MKLN1: variants seen among roughly 807,000 people sequenced by gnomAD.
MKLN1 encodes the protein muskelin 1.
A neutral mutation model predicts 99.0 loss-of-function variants in MKLN1; 18 were observed. The observed-to-expected ratio is 0.18, with a 90% CI of 0.13 to 0.27. The LOEUF (loss-of-function observed/expected upper bound fraction) is 0.27, where lower values mean the gene tolerates loss of function less well. Ranked by LOEUF, MKLN1 falls within the 10% of genes least tolerant of loss-of-function variation. The probability of loss-of-function intolerance (pLI) is 1.00; values close to 1 mark genes in which losing one functional copy is unlikely to be tolerated. For missense variants in MKLN1, 621 were observed against 875.9 expected, an observed-to-expected ratio of 0.71 and a Z score of 3.67; for synonymous variants, 288 against 293.2, an observed-to-expected ratio of 0.98 and a Z score of 0.18.
upstream of MKLN1, among the ~76,000 whole-genome samples, chr7:131,325,731 G>C (rs1798872007): frequency 6.6e-6 from 1 of 151,586 alleles, no homozygotes. Flanking sequence ...AAATTTCCAG[G>C]ACCAAACAGT....
chr7:131,330,649 C>T (rs1223593818), intron 1 of MKLN1, among the ~76,000 whole-genome samples: 1 of 151,998 alleles, frequency 6.6e-6, no homozygotes, highest in African/African-American at 2.4e-5. Context: ...TACAGGAAAT[C>T]AGAACTTTAA....
In MKLN1 at chr7:131,444,802, T is replaced by A. The variant is rs963154699; in HGVS notation, c.1396-972T>A. ...GTAGTAGTAGTAGTAGTAGTAGTAG[T>A]AGTAGTAGTAGTAGTAGTAGAAGTG... On this transcript the variant is annotated intron_variant, in intron 11 of 17. Transcript: ENST00000352689. Among the ~76,000 whole-genome samples, 6 of 147,976 alleles carry A rather than the reference T, an allele frequency of 4.1e-5. No homozygotes were observed. In the Admixed American group the frequency reaches 4.1e-4, roughly 10 times the overall value.
intron 17 of MKLN1, among the ~76,000 whole-genome samples, chr7:131,485,028 C>A (rs1443132290): frequency 1.3e-5 from 2 of 151,862 alleles, no homozygotes; most frequent in African/African-American, 2.4e-5. Flanking sequence ...AACAATGACA[C>A]CCTGGCAATT....
intron 3 of MKLN1, among the ~76,000 whole-genome samples, chr7:131,228,152 C>G (rs1797185496): frequency 6.6e-6 from 1 of 152,212 alleles, no homozygotes; most frequent in Non-Finnish European, 1.5e-5. Flanking sequence ...CAGCCTTAAC[C>G]TCCCAGGCTC....
chr7:131,256,756 A>G (rs1169626159), intron 3 of MKLN1, among the ~76,000 whole-genome samples: 1 of 152,226 alleles, frequency 6.6e-6, no homozygotes, highest in Non-Finnish European at 1.5e-5. Flanking sequence ...CACTGGGTAC[A>G]CATAGACACA....
At chr7:131,124,440 C>G (rs1795422887) in intron 1 of MKLN1, among the ~76,000 whole-genome samples, 1 of 152,212 alleles carries the variant, frequency 6.6e-6, no homozygotes, top group African/African-American at 2.4e-5. Flanking sequence ...TTTGTCTTCT[C>G]TAGCAACCAG....
At chr7:131,342,271 A>G (rs1449449993) in intron 1 of MKLN1, among the ~76,000 whole-genome samples, 2 of 152,146 alleles carry the variant, frequency 1.3e-5, no homozygotes, top group African/African-American at 4.8e-5. Flanking sequence ...TTGACTTCAA[A>G]TGTATTACTT....
chr7:131,131,074 G>A (rs1289459509), intron 1 of MKLN1, among the ~76,000 whole-genome samples: 5 of 64,140 alleles, frequency 7.8e-5, no homozygotes, highest in African/African-American at 2.3e-4. Flanking sequence ...AAAAAAAAAA[G>A]GTTGGGTGTG....
chr7:131,483,972 A>G (rs1562889048), intron 17 of MKLN1, among the ~76,000 whole-genome samples: 1 of 152,162 alleles, frequency 6.6e-6, no homozygotes, highest in African/African-American at 2.4e-5. Context: ...GCATGCATAC[A>G]CTCATATAAA....
At chr7:131,201,373 G>T (rs1202109261) in intron 2 of MKLN1, among the ~76,000 whole-genome samples, 1 of 152,088 alleles carries the variant, frequency 6.6e-6, no homozygotes, top group Non-Finnish European at 1.5e-5. Flanking sequence ...ATTCACTAAG[G>T]CATACTGAGG....
intron 1 of MKLN1, among the ~76,000 whole-genome samples, chr7:131,353,805 G>T (rs1799789140): frequency 6.8e-6 from 1 of 147,038 alleles, no homozygotes; most frequent in African/African-American, 2.5e-5. Flanking sequence ...ATGAGTTTTA[G>T]GTCAATTTTT....
At chr7:131,134,366 C>G (rs1795616136) in intron 1 of MKLN1, among the ~76,000 whole-genome samples, 1 of 151,958 alleles carries the variant, frequency 6.6e-6, no homozygotes. Context: ...TTTCAGTGTT[C>G]TTCGCTTGGT....
In MKLN1 at chr7:131,492,833, T is replaced by G. The variant is rs1797460726; in HGVS notation, c.*5105T>G. On this transcript the variant is annotated 3_prime_UTR_variant, in exon 18 of 18. Coordinates refer to ENST00000352689, the MANE Select transcript of MKLN1 (RefSeq NM_013255.5). ...AATGAAATCATCTGACGGTAGCTTC[T>G]GTAGCCCTTAACCTAAGGAGTCATT... 1 of 152,136 alleles carries G rather than the reference T, an allele frequency of 6.6e-6. No homozygotes were observed. The highest frequency in any genetic ancestry group is 2.1e-4 in the South Asian group (1 of 4,828). 9.4% of individuals were successfully genotyped at this position (152,136 alleles called of 1,614,324 possible).
rs1194137506 is a variant in MKLN1 at position 131,145,926 on chromosome 7, C to G, written c.-297+2985C>G. On this transcript the variant is annotated intron_variant, in intron 2 of 7. Transcript: ENST00000416992. The stretch of plus-strand genomic sequence containing the variant: ...TACATTTGTGACAGAAGTTCAAACA[C>G]TAGAGTGAGGAAGTGAGGAGAATAG... Among the ~76,000 whole-genome samples the G allele has an allele frequency of 2.0e-5, 3 of 152,172 alleles. 1 individual carries two copies. In the South Asian group the frequency reaches 6.2e-4, roughly 31 times the overall value.
intron 1 of MKLN1, among the ~76,000 whole-genome samples, chr7:131,118,509 C>T (rs1795312014): frequency 1.3e-5 from 2 of 150,600 alleles, no homozygotes; most frequent in Non-Finnish European, 2.9e-5. Context: ...GCCAAGATGG[C>T]GTCATTGCAC....
At chr7:131,227,380 CT>C (rs11399331) in intron 3 of MKLN1, among the ~76,000 whole-genome samples, 36 of 149,978 alleles carry the variant, frequency 2.4e-4, no homozygotes, top group South Asian at 1.3e-3. Context: ...CTTTTTCTTT[CT>C]TTTTTTTCTT....
At chr7:131,127,230 C>G (rs1054770305) in intron 1 of MKLN1, among the ~76,000 whole-genome samples, 3 of 151,800 alleles carry the variant, frequency 2.0e-5, no homozygotes, top group Non-Finnish European at 4.4e-5. Flanking sequence ...CTTAGTTCTG[C>G]TGGTATCAAC....
chr7:131,154,806 T>C (rs932189229), intron 2 of MKLN1, among the ~76,000 whole-genome samples: 3 of 152,152 alleles, frequency 2.0e-5, no homozygotes, highest in African/African-American at 4.8e-5. Flanking sequence ...AGCAATTGTG[T>C]ATTTATCATT....
intron 1 of MKLN1, among the ~76,000 whole-genome samples, chr7:131,332,355 A>G (rs1218450365): frequency 6.8e-6 from 1 of 148,078 alleles, no homozygotes; most frequent in African/African-American, 2.5e-5. Context: ...AAAATATGTA[A>G]ATATATATAT....
Sources: allele counts gnomAD v4.1 joint callset (sites outside exome capture counted in the v4.1 genomes callset), GRCh38; gene constraint gnomAD v4.1.1; transcripts MANE v1.5; gene names NCBI Gene and HGNC (gene_info 2026-07-23, HGNC 2026-07-21).